Variants in OPCML observed in about 807,000 individuals in gnomAD.
OPCML encodes opioid-binding protein/cell adhesion molecule.
In OPCML, 13 loss-of-function variants were observed where a neutral mutation model predicts 37.8. The observed-to-expected ratio is 0.34, with a 90% confidence interval of 0.22 to 0.55. OPCML has a LOEUF of 0.55. Ranked by LOEUF, OPCML falls within the 20% of genes least tolerant of loss-of-function variation. The probability of loss-of-function intolerance (pLI) is 0.91; values close to 1 mark genes in which losing one functional copy is unlikely to be tolerated. For synonymous variants in OPCML, 176 were observed against 168.8 expected, an observed-to-expected ratio of 1.04 and a Z score of -0.33; for missense variants, 341 against 435.6, an observed-to-expected ratio of 0.78 and a Z score of 1.93.
chr11:132,813,229 T>A (rs1042123183), intron 2 of OPCML, among the ~76,000 whole-genome samples: 2 of 152,202 alleles, frequency 1.3e-5, no homozygotes, highest in Non-Finnish European at 2.9e-5. Context: ...ATCATGTCCA[T>A]CTGCATATCT....
chr11:132,656,134 G>A (rs910473208), intron 3 of OPCML, among the ~76,000 whole-genome samples: 3 of 152,140 alleles, frequency 2.0e-5, no homozygotes, highest in Middle Eastern at 3.4e-3. Flanking sequence ...ACTGGCTGAC[G>A]GAACTAATGT....
chr11:133,386,969 T>A (rs190164848), intron 1 of OPCML, among the ~76,000 whole-genome samples: 9 of 152,240 alleles, frequency 5.9e-5, no homozygotes, highest in Admixed American at 5.9e-4. Flanking sequence ...CCATCTCAAA[T>A]GAGAAAACAG....
intron 1 of OPCML, among the ~76,000 whole-genome samples, chr11:133,377,728 A>G (rs1471114465): frequency 3.3e-5 from 5 of 151,496 alleles, no homozygotes; most frequent in African/African-American, 7.3e-5. Context: ...GCTACTCCCC[A>G]CAGTCACCTC....
chr11:133,422,623 T>A (rs1384655786), intron 1 of OPCML: 14 of 966,134 alleles, frequency 1.4e-5, no homozygotes, highest in Non-Finnish European at 1.6e-5. Context: ...TCCCGAGTAG[T>A]TGAGATTATG....
chr11:133,422,195 G>C (rs937596007), intron 1 of OPCML: 22 of 984,180 alleles, frequency 2.2e-5, no homozygotes, highest in Non-Finnish European at 2.7e-5. Context: ...GCAAACAAAG[G>C]GCTCTTCAGT....
intron 1 of OPCML, among the ~76,000 whole-genome samples, chr11:133,517,211 T>C (rs1030760813): frequency 3.9e-5 from 6 of 152,260 alleles, no homozygotes; most frequent in African/African-American, 1.4e-4. Flanking sequence ...TTCCTACTTT[T>C]ATCTATTTTT....
At chr11:133,140,070 C>T (rs1451138329) in intron 1 of OPCML, among the ~76,000 whole-genome samples, 2 of 151,438 alleles carry the variant, frequency 1.3e-5, no homozygotes, top group African/African-American at 2.4e-5. Context: ...ACCTGTAGTC[C>T]CAGCTACTGG....
intron 1 of OPCML, among the ~76,000 whole-genome samples, chr11:133,354,298 G>GTGATCA (rs200651560): frequency 7.9e-4 from 19 of 24,068 alleles, no homozygotes; most frequent in African/African-American, 1.8e-3. Flanking sequence ...GGTGCTGGTG[G>GTGATCA]TGGTGACGTG....
At chr11:132,472,125 T>A (rs1193097108) in intron 4 of OPCML, among the ~76,000 whole-genome samples, 2 of 152,216 alleles carry the variant, frequency 1.3e-5, no homozygotes, top group East Asian at 3.8e-4. Context: ...ATAACCAACA[T>A]ACATACATGT....
chr11:132,827,758 G>A (rs1325949923), intron 2 of OPCML, among the ~76,000 whole-genome samples: 2 of 151,912 alleles, frequency 1.3e-5, no homozygotes, highest in Non-Finnish European at 2.9e-5. Flanking sequence ...TCCTGCCTCA[G>A]CCTCCCCAGC....
At chr11:133,400,271 T>C (rs1225299682) in intron 1 of OPCML, among the ~76,000 whole-genome samples, 1 of 152,218 alleles carries the variant, frequency 6.6e-6, no homozygotes, top group Non-Finnish European at 1.5e-5. Flanking sequence ...TCCACAACTT[T>C]CCCTTAGCAA....
chr11:132,778,967 T>C (rs895279059), intron 2 of OPCML, among the ~76,000 whole-genome samples: 34 of 143,296 alleles, frequency 2.4e-4, no homozygotes, highest in Non-Finnish European at 4.9e-4. Flanking sequence ...ATTTCTTTTT[T>C]TTTTTTTTTT....
chr11:132,609,333 T>C (rs376237209), intron 3 of OPCML, among the ~76,000 whole-genome samples: 2 of 152,328 alleles, frequency 1.3e-5, no homozygotes, highest in Middle Eastern at 3.4e-3. Context: ...AAAGTCTTAA[T>C]GTGAATACTT....
intron 2 of OPCML, among the ~76,000 whole-genome samples, chr11:132,896,277 T>C (rs1359600020): frequency 6.6e-6 from 1 of 152,100 alleles, no homozygotes; most frequent in Non-Finnish European, 1.5e-5. Flanking sequence ...GAAGACAGAC[T>C]TTTCATCAAT....
At chr11:132,795,647 T>G (rs1938262103) in intron 2 of OPCML, among the ~76,000 whole-genome samples, 1 of 152,230 alleles carries the variant, frequency 6.6e-6, no homozygotes, top group East Asian at 1.9e-4. Flanking sequence ...TATTCCATAT[T>G]TAATTTCATG....
At chr11:133,462,320 A>G (rs1946877727) in intron 1 of OPCML, among the ~76,000 whole-genome samples, 1 of 152,052 alleles carries the variant, frequency 6.6e-6, no homozygotes, top group Non-Finnish European at 1.5e-5. Flanking sequence ...AACACAGACA[A>G]CAAAAACAGT....
intron 4 of OPCML, among the ~76,000 whole-genome samples, chr11:132,459,952 T>C (rs2096095397): frequency 6.6e-6 from 1 of 152,184 alleles, no homozygotes; most frequent in African/African-American, 2.4e-5. Flanking sequence ...AGAAAAGATC[T>C]GCTAGATACT....
At chr11:132,422,360 T>C (rs2095962446) in intron 7 of OPCML, among the ~76,000 whole-genome samples, 2 of 152,270 alleles carry the variant, frequency 1.3e-5, no homozygotes, top group Non-Finnish European at 2.9e-5. Flanking sequence ...AGAGTGGGGC[T>C]CAGAGAGAGA....
intron 1 of OPCML, among the ~76,000 whole-genome samples, chr11:133,317,414 A>G (rs1342811172): frequency 6.6e-6 from 1 of 152,238 alleles, no homozygotes; most frequent in Non-Finnish European, 1.5e-5. Context: ...CCTGATGCAT[A>G]AAATGCACAA....
Sources: allele counts gnomAD v4.1 joint callset (sites outside exome capture counted in the v4.1 genomes callset), GRCh38; gene constraint gnomAD v4.1.1; transcripts MANE v1.5; gene names NCBI Gene and HGNC (gene_info 2026-07-23, HGNC 2026-07-21).